ARHGAP10: variants seen among roughly 807,000 people sequenced by gnomAD.
The protein encoded by ARHGAP10 is Rho GTPase activating protein 10.
In ARHGAP10, 87 loss-of-function variants were observed where a neutral mutation model predicts 108.6. That is an observed-to-expected ratio of 0.80 (90% CI 0.67 to 0.96). ARHGAP10 has a LOEUF of 0.96. Among genes scored for constraint, ARHGAP10 ranks in the 40% least tolerant of loss-of-function variants. ARHGAP10 has a pLI of 0.00. For missense variants in ARHGAP10, 939 were observed against 954.5 expected (o/e 0.98, Z 0.21); for synonymous variants, 347 against 341.1 (o/e 1.02, Z -0.19).
At chr4:147,866,290 A>C (rs929009034) in intron 6 of ARHGAP10, 3 of 153,996 alleles carry the variant, frequency 1.9e-5, no homozygotes, top group Admixed American at 1.3e-4. Context: ...TTGTCAACAA[A>C]ACACAGGGGT....
intron 1 of ARHGAP10, among the ~76,000 whole-genome samples, chr4:147,747,199 A>G (rs559551580): frequency 1.3e-4 from 19 of 149,240 alleles, no homozygotes; most frequent in Non-Finnish European, 2.2e-4. Context: ...TTTCTCTTTT[A>G]TCTCACCGGA....
intron 20 of ARHGAP10, among the ~76,000 whole-genome samples, chr4:148,048,937 T>C (rs1729006591): frequency 6.6e-6 from 1 of 151,836 alleles, no homozygotes; most frequent in South Asian, 2.1e-4. Context: ...GGGGAGTAGT[T>C]GAAGCAAGCC....
At chr4:147,820,567 G>T (rs971114559) in intron 1 of ARHGAP10, among the ~76,000 whole-genome samples, 1 of 147,594 alleles carries the variant, frequency 6.8e-6, no homozygotes, top group Non-Finnish European at 1.5e-5. Context: ...ACAGGCGTGG[G>T]CTACCTCGGC....
intron 22 of ARHGAP10, among the ~76,000 whole-genome samples, chr4:148,070,283 CT>C (rs1192230684): frequency 6.6e-6 from 1 of 152,178 alleles, no homozygotes; most frequent in Admixed American, 6.5e-5. Flanking sequence ...TGAAGCTGCT[CT>C]TTGAAGCATG....
chr4:147,750,110 T>G (rs899787129), intron 1 of ARHGAP10, among the ~76,000 whole-genome samples: 3 of 152,218 alleles, frequency 2.0e-5, no homozygotes, highest in African/African-American at 7.2e-5. Context: ...GACCTTTGTA[T>G]TTTTTGACCT....
intron 7 of ARHGAP10, among the ~76,000 whole-genome samples, chr4:147,871,395 G>A (rs1734818226): frequency 1.3e-5 from 2 of 152,076 alleles, no homozygotes; most frequent in Non-Finnish European, 2.9e-5. Context: ...ATTCGTGTCC[G>A]TCTCTCTATT....
In ARHGAP10 at chr4:147,820,442, C is replaced by T. The variant is rs184214305; in HGVS notation, c.155-2285C>T. 1.4e-3 allele frequency among the ~76,000 whole-genome samples: 206 copies of T among 150,902 alleles called. 4 individuals are homozygous for T. The East Asian group carries it at 0.025, about 19-fold the overall frequency. On this transcript the variant is annotated intron_variant, in intron 1 of 22. Transcript: ENST00000336498. ...CTGGGACTACAGGCAACCGCCACCACGCCCGGCTAATTTTTGTGTTTTTAG... is the reference window on the plus strand; with the variant it reads ...CTGGGACTACAGGCAACCGCCACCATGCCCGGCTAATTTTTGTGTTTTTAG...
chr4:147,961,359 C>T (rs184328866), intron 16 of ARHGAP10, among the ~76,000 whole-genome samples: 94 of 152,220 alleles, frequency 6.2e-4, no homozygotes, highest in African/African-American at 1.0e-3. Flanking sequence ...ATTCCTGCCC[C>T]GGTCTTTTGC....
At chr4:147,868,577 A>T (rs1734666242) in intron 7 of ARHGAP10, among the ~76,000 whole-genome samples, 1 of 152,098 alleles carries the variant, frequency 6.6e-6, no homozygotes, top group African/African-American at 2.4e-5. Context: ...GCAGCAGAAA[A>T]CAGTTATGTA....
At chr4:147,909,390 G>C (rs745817756) in intron 11 of ARHGAP10, among the ~76,000 whole-genome samples, 2 of 152,168 alleles carry the variant, frequency 1.3e-5, no homozygotes, top group African/African-American at 2.4e-5. Context: ...TTGGTGGGTA[G>C]GGCTGAAAGA....
Position 148,064,442 on chromosome 4 carries a change from T to G in ARHGAP10, c.2207T>G (p.Val736Gly), listed in dbSNP as rs138625638. The G allele has an allele frequency of 1.9e-6, 3 of 1,614,112 alleles. No homozygotes were observed. Among genetic ancestry groups the G allele is most frequent in the Non-Finnish European group, 2.5e-6 (3 of 1,180,030 alleles). ...ESIRSRKARAVYPCEAEHSSE... is the reference protein window; with the variant it reads ...ESIRSRKARAGYPCEAEHSSE... ...ATCCGCAGTCGGAAGGCTCGAGCCGTGTATCCGTGTGAAGCAGAACACAGC... is the reference window on the plus strand; with the variant it reads ...ATCCGCAGTCGGAAGGCTCGAGCCGGGTATCCGTGTGAAGCAGAACACAGC... The change falls in exon 22 of 23, where the codon GTG (valine) becomes GGG (glycine). Residue 736 changes from valine (V) to glycine (G), a missense_variant. Transcript: ENST00000336498.
chr4:147,983,273 C>T (rs1461019687), intron 18 of ARHGAP10, among the ~76,000 whole-genome samples: 2 of 151,402 alleles, frequency 1.3e-5, no homozygotes, highest in East Asian at 2.0e-4. Context: ...GCAACCTCCA[C>T]CTCCCGGGTT....
chr4:147,774,791 GAGA>G (rs1418456284), intron 1 of ARHGAP10, among the ~76,000 whole-genome samples: 10 of 152,176 alleles, frequency 6.6e-5, no homozygotes, highest in Non-Finnish European at 1.3e-4. Flanking sequence ...TGGCAGAGAT[GAGA>G]AGAACATTTT....
chr4:147,802,082 G>A (rs1731606982), intron 1 of ARHGAP10, among the ~76,000 whole-genome samples: 1 of 152,182 alleles, frequency 6.6e-6, no homozygotes, highest in Non-Finnish European at 1.5e-5. Flanking sequence ...TGACTGACAG[G>A]TCGGAGGAGT....
At chr4:147,741,117 A>G (rs1728639672) in intron 1 of ARHGAP10, among the ~76,000 whole-genome samples, 1 of 152,218 alleles carries the variant, frequency 6.6e-6, no homozygotes, top group Admixed American at 6.5e-5. Context: ...AGTGACATTT[A>G]AAAGGACTTT....
intron 18 of ARHGAP10, among the ~76,000 whole-genome samples, chr4:148,001,920 G>A (rs1210673311): frequency 6.6e-6 from 1 of 152,090 alleles, no homozygotes; most frequent in Non-Finnish European, 1.5e-5. Context: ...TCTCCTGCCT[G>A]ATTGCCCTGG....
chr4:147,939,839 G>C lies in ARHGAP10; in HGVS notation c.1243G>C (p.Gly415Arg), dbSNP rs1359367745. The C allele has an allele frequency of 6.2e-7, 1 of 1,613,996 alleles. No individual in the cohort carries two copies. The highest frequency in any genetic ancestry group is 8.5e-7 in the Non-Finnish European group (1 of 1,179,894). ...AVETRGINDQ[G>R]LYRVVGVSSK... is the part of the protein sequence containing the mutation. The stretch of plus-strand genomic sequence containing the variant: ...TCTTCCCATAGGTATAAATGACCAA[G>C]GATTGTACAGAGTTGTGGGGGTGAG... The change falls in exon 14 of 23, where the codon GGA becomes CGA. Residue 415 changes from glycine to arginine, a missense_variant. By Grantham distance (125) the Gly-to-Arg change is moderately radical (BLOSUM62 -2). Transcript: ENST00000336498.
chr4:147,801,604 A>G (rs1269639512), intron 1 of ARHGAP10, among the ~76,000 whole-genome samples: 2 of 152,246 alleles, frequency 1.3e-5, no homozygotes, highest in African/African-American at 4.8e-5. Context: ...GAATGGCCTT[A>G]TAAAATGTTT....
intron 4 of ARHGAP10, among the ~76,000 whole-genome samples, chr4:147,848,660 A>G (rs759825045): frequency 1.1e-4 from 16 of 152,156 alleles, no homozygotes; most frequent in Non-Finnish European, 1.6e-4. Flanking sequence ...TCTCATTTGA[A>G]TTGGATGGTG....
Sources: allele counts gnomAD v4.1 joint callset (sites outside exome capture counted in the v4.1 genomes callset), GRCh38; gene constraint gnomAD v4.1.1; transcripts MANE v1.5; gene names NCBI Gene and HGNC (gene_info 2026-07-23, HGNC 2026-07-21).